The following ZC3H4 variants were observed in gnomAD, a reference collection of about 807,000 sequenced individuals.
The protein encoded by ZC3H4 is zinc finger CCCH-type containing 4, also known as zinc finger CCCH domain-containing protein 4.
ZC3H4 carries 13 observed loss-of-function variants against 108.3 expected under a neutral mutation model. The ratio of observed to expected loss-of-function variants is 0.12; its 90% CI spans 0.08 to 0.19. The LOEUF is 0.19. ZC3H4 is among the 10% of genes least tolerant of loss of function. ZC3H4 has a pLI of 1.00. For missense variants in ZC3H4, 1,734 were observed against 1,838.8 expected (o/e 0.94, Z 1.04); for synonymous variants, 917 against 749.6 (o/e 1.22, Z -3.65).
chr19:47,072,775 A>G lies in ZC3H4; in HGVS notation c.1441-62T>C. On this transcript the variant is annotated intron_variant, in intron 11 of 14. Transcript: ENST00000253048. The surrounding 1 kb of genome is among the most constrained non-coding windows in gnomAD (Gnocchi z 5.6). ...GGTCAGGATGGAAACGGACCTCTCC[A>G]GGTCTGAGAGCTGAAGTTTATGAGG... 6.3e-7 allele frequency: 1 copy of G among 1,584,582 alleles called. No homozygotes were observed. Among genetic ancestry groups the G allele is most frequent in the Non-Finnish European group, 8.6e-7 (1 of 1,165,972 alleles).
chr19:47,106,513 C>A (rs2057969965), intron 2 of ZC3H4, among the ~76,000 whole-genome samples: 1 of 152,220 alleles, frequency 6.6e-6, no homozygotes, highest in African/African-American at 2.4e-5. Context: ...TCTGGGACAA[C>A]TGACAGGCAT....
At chr19:47,109,604 G>A (rs2058011261) in intron 2 of ZC3H4, among the ~76,000 whole-genome samples, 1 of 152,270 alleles carries the variant, frequency 6.6e-6, no homozygotes. Context: ...TCGTAGTTTG[G>A]AGATTTCTTC....
rs2122723846 is a variant in ZC3H4 at position 47,072,233 on chromosome 19, A to G, written c.1803-112T>C. 7.2e-7 allele frequency: 1 copy of G among 1,387,664 alleles called. No homozygotes were observed. Among genetic ancestry groups the G allele is most frequent in the Non-Finnish European group, 9.7e-7 (1 of 1,027,306 alleles). 86.0% of individuals were successfully genotyped at this position (1,387,664 alleles called of 1,614,324 possible). On this transcript the variant is annotated intron_variant, in intron 12 of 14. Transcript: ENST00000253048. This position sits in a 1 kb window ranked among gnomAD's most constrained non-coding sequence, Gnocchi z 5.6. ...CGAAGGTCATGGGCCCCAGACCAGG[A>G]CTCCCACAGCTGGGGAGAGAGGCAG... is the stretch of plus-strand genomic sequence containing the variant.
rs745655723 is a variant in ZC3H4, at chr19:47,085,445, C to T, written c.871-31G>A. On this transcript the variant is annotated intron_variant, in intron 6 of 14. Transcript: ENST00000253048. The stretch of plus-strand genomic sequence containing the variant: ...ATGCGCAGAGGAGAGGGCAGGAGAG[C>T]GTCAGGTAGGGAACAATGAACACTG... The T allele has an allele frequency of 7.2e-6, 11 of 1,528,858 alleles. No individual in the cohort carries two copies. In the East Asian group the frequency reaches 1.6e-4, roughly 22 times the overall value. 94.7% of individuals were successfully genotyped at this position (1,528,858 alleles called of 1,614,324 possible). A position where few individuals can be genotyped will look rare whatever the true frequency, so the allele number is the denominator to read the frequency against.
chr19:47,110,883 G>T (rs1346514260), intron 2 of ZC3H4: 2 of 983,716 alleles, frequency 2.0e-6, no homozygotes, highest in African/African-American at 3.5e-5. Context: ...AAAAAATGTT[G>T]TAAAAGCTCA....
At chr19:47,089,204 C>CAAAAAA (rs888647856) in intron 5 of ZC3H4, among the ~76,000 whole-genome samples, 5 of 26,834 alleles carry the variant, frequency 1.9e-4, no homozygotes, top group Non-Finnish European at 3.0e-4. Flanking sequence ...GACTCCGTCT[C>CAAAAAA]AAAAAAAAAA....
At chr19:47,070,065 C>G (rs903411190) in intron 13 of ZC3H4, among the ~76,000 whole-genome samples, 1 of 151,686 alleles carries the variant, frequency 6.6e-6, no homozygotes, top group Non-Finnish European at 1.5e-5. Flanking sequence ...AGGGCAGGCT[C>G]GGCGACGCCT....
At position 47,106,444 on chromosome 19, in the gene ZC3H4, C is replaced by T. The variant is rs542097705; in HGVS notation, c.161+5980G>A. Among the ~76,000 whole-genome samples, 7 of 152,298 alleles carry T rather than the reference C, an allele frequency of 4.6e-5. No individual in the cohort carries two copies. In the South Asian group the frequency reaches 1.2e-3, roughly 27 times the overall value. ...TTCCAGCCTGGGCAACAGAGCAAAA[C>T]CCTGTCTCAATAAAAGAGAAAAAAC... On this transcript the variant is annotated intron_variant, in intron 2 of 14. Coordinates refer to ENST00000253048, the MANE Select transcript of ZC3H4 (RefSeq NM_015168.2).
Position 47,071,785 on chromosome 19 carries a change from C to A in ZC3H4, c.2139G>T (p.Gly713=). The change falls in exon 13 of 15, where the codon GGG becomes GGT. Residue 713 remains glycine, a synonymous_variant. Transcript: ENST00000253048. ...EGMEMEPGLL[G]DAEDYGHYEE... is the part of the protein sequence containing the mutation. ...ACCTGGAGTCCCGCATACCTGCATCCCCCAGGAGTCCGGGCTCCATCTCCA... is the reference window on the plus strand; with the variant it reads ...ACCTGGAGTCCCGCATACCTGCATCACCCAGGAGTCCGGGCTCCATCTCCA... 3 of 1,608,628 alleles carry A rather than the reference C, an allele frequency of 1.9e-6. No homozygotes were observed. The highest frequency in any genetic ancestry group is 1.7e-5 in the Admixed American group (1 of 59,408).
chr19:47,094,262 T>C, intron 3 of ZC3H4, 127 bp downstream of exon 3: 1 of 1,192,864 alleles, frequency 8.4e-7, no homozygotes, highest in Non-Finnish European at 1.2e-6. Context: ...AAAAGGTCTT[T>C]ATCCAATTTG....
chr19:47,083,037 T>A (rs1464935668), intron 9 of ZC3H4, among the ~76,000 whole-genome samples: 1 of 152,072 alleles, frequency 6.6e-6, no homozygotes, highest in Non-Finnish European at 1.5e-5. Context: ...GCCTATTCAT[T>A]TGTCTTAATT....
intron 9 of ZC3H4, 89 bp downstream of exon 9, chr19:47,084,256 C>A: frequency 7.9e-7 from 1 of 1,273,694 alleles, no homozygotes; most frequent in Non-Finnish European, 1.1e-6. Flanking sequence ...TCCCACCCAC[C>A]CTCACCACGG....
At chr19:47,101,116 G>C (rs1310680210) in intron 2 of ZC3H4, among the ~76,000 whole-genome samples, 2 of 151,866 alleles carry the variant, frequency 1.3e-5, no homozygotes, top group East Asian at 3.9e-4. Context: ...CCAACAGGCG[G>C]ATCACTTGAG....
Position 47,073,716 on chromosome 19 carries a change from C to CCT in ZC3H4, c.1441-1005_1441-1004dup, listed in dbSNP as rs1392986162. 4.6e-5 allele frequency among the ~76,000 whole-genome samples: 7 copies of CCT among 152,230 alleles called. No individual in the cohort carries two copies. The East Asian group carries it at 1.3e-3, about 29-fold the overall frequency. On this transcript the variant is annotated intron_variant, in intron 11 of 14. Coordinates refer to ENST00000253048, the MANE Select transcript of ZC3H4 (RefSeq NM_015168.2). ...TACACACTAAGCAATCGCTCCCCAC[C>CCT]CTCTACCCCCAGCCCCCGGCAGCCA...
chr19:47,085,126 C>T lies in ZC3H4; in HGVS notation c.1037G>A (p.Gly346Asp), dbSNP rs771194152. 1 of 1,614,224 alleles carries T rather than the reference C, an allele frequency of 6.2e-7. No homozygotes were observed. Among genetic ancestry groups the T allele is most frequent in the Non-Finnish European group, 8.5e-7 (1 of 1,180,024 alleles). Residue 346 changes from glycine (G) to aspartate (D), a missense_variant, in exon 8 of 15, where the codon GGT (glycine) becomes GAT (aspartate). Coordinates refer to ENST00000253048, the MANE Select transcript of ZC3H4 (RefSeq NM_015168.2). ...CTTGTTCATCCCTCCTCGGCTGCCA[C>T]CTCGGCCTCGGCCCCGACCCATTCC... ...GKGMGRGRGR[G>D]GSRGGMNKGG... is the part of the protein sequence containing the mutation.
chr19:47,079,033 A>ATT (rs1169182902), intron 11 of ZC3H4, among the ~76,000 whole-genome samples: 11 of 135,124 alleles, frequency 8.1e-5, no homozygotes, highest in African/African-American at 1.9e-4. Flanking sequence ...TTTCATTTCC[A>ATT]TTTTTTTTTT....
chr19:47,089,535 A>G (rs2057694177), intron 5 of ZC3H4, among the ~76,000 whole-genome samples: 1 of 152,130 alleles, frequency 6.6e-6, no homozygotes, highest in African/African-American at 2.4e-5. Context: ...AGCCTCCTCC[A>G]CCTTCCTCCC....
chr19:47,109,655 C>T (rs1271298250), intron 2 of ZC3H4, among the ~76,000 whole-genome samples: 10 of 152,154 alleles, frequency 6.6e-5, no homozygotes, highest in Admixed American at 1.3e-4. Context: ...CACCACTCTA[C>T]GGCAGTTGTG....
chr19:47,103,106 T>C (rs1260874107), intron 2 of ZC3H4, among the ~76,000 whole-genome samples: 1 of 152,184 alleles, frequency 6.6e-6, no homozygotes, highest in Non-Finnish European at 1.5e-5. Flanking sequence ...AGATCCAAGT[T>C]ACTCCTGGCA....
Sources: gnomAD v4.1 joint callset for allele counts (sites outside exome capture counted in the v4.1 genomes callset) on GRCh38, gnomAD v4.1.1 for gene constraint, Gnocchi (gnomAD v3.1) non-coding constraint, MANE v1.5 for transcripts, NCBI Gene and HGNC (gene_info 2026-07-23, HGNC 2026-07-21) for gene names.